The following JPH3 variants were observed in gnomAD, a reference collection of about 807,000 sequenced individuals.
The protein encoded by JPH3 is junctophilin 3, also known as junctophilin-3.
A neutral mutation model predicts 59.6 loss-of-function variants in JPH3; 11 were observed. That is an observed-to-expected ratio of 0.18 (90% CI 0.12 to 0.31). JPH3 has a LOEUF of 0.31. Ranked by LOEUF, JPH3 falls within the 10% of genes least tolerant of loss-of-function variation. JPH3 has a pLI of 1.00. For synonymous variants in JPH3, 673 were observed against 483.6 expected, an observed-to-expected ratio of 1.39 and a Z score of -5.14; for missense variants, 1,202 against 1,105.7, an observed-to-expected ratio of 1.09 and a Z score of -1.24.
chr16:87,665,378 C>T (rs1196874895), intron 2 of JPH3, among the ~76,000 whole-genome samples: 2 of 152,262 alleles, frequency 1.3e-5, no homozygotes, highest in African/African-American at 4.8e-5. Context: ...GGAGAACCGA[C>T]AGCACCGGCC....
chr16:87,677,185 T>TATACACACACAAAC (rs1491266129), intron 2 of JPH3, among the ~76,000 whole-genome samples: 1 of 95,158 alleles, frequency 1.1e-5, no homozygotes, highest in African/African-American at 4.7e-5. Flanking sequence ...TATATATATA[T>TATACACACACAAAC]ACACACACAC....
intron 1 of JPH3, among the ~76,000 whole-genome samples, chr16:87,633,973 G>C (rs913926054): frequency 1.3e-5 from 2 of 152,136 alleles, no homozygotes; most frequent in African/African-American, 2.4e-5. Context: ...ATGAAGATTA[G>C]CTGTGAAAAC....
intron 1 of JPH3, among the ~76,000 whole-genome samples, chr16:87,642,692 G>C (rs1382307511): frequency 1.3e-5 from 2 of 152,220 alleles, no homozygotes; most frequent in East Asian, 3.9e-4. Flanking sequence ...TGACAAATGA[G>C]GCTTGAGGTT....
At chr16:87,616,963 G>A (rs2030994983) in intron 1 of JPH3, among the ~76,000 whole-genome samples, 2 of 152,194 alleles carry the variant, frequency 1.3e-5, no homozygotes, top group African/African-American at 4.8e-5. Flanking sequence ...CGTGGCTCAC[G>A]CCTGTAATCC....
rs1392821889 is a variant in JPH3 at position 87,689,999 on chromosome 16, C to T, written c.1639C>T (p.Leu547=). The T allele has an allele frequency of 6.7e-7, 1 of 1,502,264 alleles. No homozygotes were observed. Among genetic ancestry groups the T allele is most frequent in the South Asian group, 1.3e-5 (1 of 76,076 alleles). 93.1% of individuals were successfully genotyped at this position (1,502,264 alleles called of 1,614,324 possible). The change falls in exon 4 of 5, where the codon CTG becomes TTG. Residue 547 remains leucine, a synonymous_variant. Transcript: ENST00000284262. ...GGSRGVRSGA[L]RGGLLVDDFR... ...CTCCAGGGGTGTCCGCAGCGGTGCC[C>T]TGCGCGGCGGCCTGCTCGTGGATGA... is the stretch of plus-strand genomic sequence containing the variant.
At chr16:87,638,818 C>T (rs2031843696) in intron 1 of JPH3, among the ~76,000 whole-genome samples, 1 of 152,174 alleles carries the variant, frequency 6.6e-6, no homozygotes, top group East Asian at 1.9e-4. Context: ...CGAAGGTGCC[C>T]CAGTCCCCCT....
At position 87,604,709 on chromosome 16, in the gene JPH3, TC is replaced by T. The variant is rs1427400511; in HGVS notation, c.382+1183del. ...TCGGAACACCTGCTCCACGGCCACA[TC>T]CAGGAGTGGCAGGGGGCTGGAGAGT... On this transcript the variant is annotated intron_variant, in intron 1 of 4. Transcript: ENST00000284262. 34 of 1,089,072 alleles carry T rather than the reference TC, an allele frequency of 3.1e-5. No individual in the cohort carries two copies. The African/African-American group carries it at 4.8e-4, about 15-fold the overall frequency. 67.5% of individuals were successfully genotyped at this position (1,089,072 alleles called of 1,614,324 possible).
intron 2 of JPH3, among the ~76,000 whole-genome samples, chr16:87,661,457 C>G (rs186544340): frequency 1.1e-4 from 17 of 152,380 alleles, no homozygotes; most frequent in African/African-American, 4.1e-4. Flanking sequence ...AGTGGACTCT[C>G]TTTAGGGGGA....
intron 3 of JPH3, among the ~76,000 whole-genome samples, chr16:87,688,614 G>A (rs1057013758): frequency 1.3e-5 from 2 of 152,086 alleles, no homozygotes; most frequent in Non-Finnish European, 2.9e-5. Context: ...TGGCCGCCCC[G>A]GGTAGAGCTC....
chr16:87,649,654 G>A (rs926760029), intron 2 of JPH3, among the ~76,000 whole-genome samples: 2 of 152,208 alleles, frequency 1.3e-5, no homozygotes, highest in Non-Finnish European at 2.9e-5. Context: ...ACCCGCCGTG[G>A]AAACCAAATA....
chr16:87,652,712 C>T (rs199544787), intron 2 of JPH3, among the ~76,000 whole-genome samples: 1 of 152,248 alleles, frequency 6.6e-6, no homozygotes, highest in Admixed American at 6.5e-5. Flanking sequence ...ATGATGGTGC[C>T]TACTCTCGTG....
chr16:87,666,320 C>G (rs1481581268), intron 2 of JPH3, among the ~76,000 whole-genome samples: 4 of 151,694 alleles, frequency 2.6e-5, no homozygotes, highest in African/African-American at 9.7e-5. Flanking sequence ...AACTCCTGAC[C>G]TCAGGTGATC....
intron 3 of JPH3, among the ~76,000 whole-genome samples, chr16:87,685,976 C>T (rs537597735): frequency 6.6e-6 from 1 of 152,250 alleles, no homozygotes; most frequent in East Asian, 1.9e-4. Flanking sequence ...GGGGTGAGTC[C>T]TAGATCCACG....
chr16:87,652,625 G>C (rs1432864174), intron 2 of JPH3, among the ~76,000 whole-genome samples: 1 of 152,230 alleles, frequency 6.6e-6, no homozygotes, highest in Non-Finnish European at 1.5e-5. Flanking sequence ...AGCTGGGCTA[G>C]GATGGCCTGG....
chr16:87,617,294 C>T (rs2031006532), intron 1 of JPH3, among the ~76,000 whole-genome samples: 1 of 152,134 alleles, frequency 6.6e-6, no homozygotes, highest in African/African-American at 2.4e-5. Context: ...GGGCGGTGTC[C>T]CACGGTGTGG....
Position 87,696,682 on chromosome 16 carries a change from A to C in JPH3, c.*22A>C, listed in dbSNP as rs1433842967. The C allele has an allele frequency of 2.5e-6, 4 of 1,589,252 alleles. No individual in the cohort carries two copies. Among genetic ancestry groups the C allele is most frequent in the Non-Finnish European group, 3.5e-6 (4 of 1,158,112 alleles). Reference sequence around the variant, plus strand: ...CTGATGAGATGTCGCGGTAGCAAAAATAGAGAAAGGGTAGAAAAAAGGGAC... The same window carrying C: ...CTGATGAGATGTCGCGGTAGCAAAACTAGAGAAAGGGTAGAAAAAAGGGAC... On this transcript the variant is annotated 3_prime_UTR_variant, in exon 5 of 5. Coordinates refer to ENST00000284262, the MANE Select transcript of JPH3 (RefSeq NM_020655.4).
Position 87,690,057 on chromosome 16 carries a change from C to T in JPH3, c.1697C>T (p.Pro566Leu), listed in dbSNP as rs1290002648. 2.5e-6 allele frequency: 4 copies of T among 1,570,400 alleles called. No individual in the cohort carries two copies. The highest frequency in any genetic ancestry group is 2.4e-5 in the East Asian group (1 of 41,826). Residue 566 changes from proline (P) to leucine (L), a missense_variant, in exon 4 of 5, where the codon CCC becomes CTC. Coordinates refer to ENST00000284262, the MANE Select transcript of JPH3 (RefSeq NM_020655.4). The part of the protein sequence containing the change: ...FRTRGSGRKQ[P>L]GNPKPRERRT... ...ACCCGAGGTTCGGGCCGCAAGCAGC[C>T]CGGGAACCCCAAGCCGCGGGAGCGG...
chr16:87,626,065 G>A (rs1305732857), intron 1 of JPH3, among the ~76,000 whole-genome samples: 1 of 152,182 alleles, frequency 6.6e-6, no homozygotes, highest in Non-Finnish European at 1.5e-5. Flanking sequence ...GTAAGTTACT[G>A]CTATCGGGGG....
At chr16:87,669,973 G>C (rs139532521) in intron 2 of JPH3, among the ~76,000 whole-genome samples, 2 of 152,282 alleles carry the variant, frequency 1.3e-5, no homozygotes, top group East Asian at 3.9e-4. Flanking sequence ...CTCCAGCCGT[G>C]GGGGCGGGGG....
Sources: gnomAD v4.1 joint callset for allele counts (sites outside exome capture counted in the v4.1 genomes callset) on GRCh38, gnomAD v4.1.1 for gene constraint, MANE v1.5 for transcripts, NCBI Gene and HGNC (gene_info 2026-07-23, HGNC 2026-07-21) for gene names.